Variants in GRM7 observed in about 807,000 individuals in gnomAD.
The protein encoded by GRM7 is metabotropic glutamate receptor 7.
A neutral mutation model predicts 84.5 loss-of-function variants in GRM7; 35 were observed. The observed-to-expected ratio is 0.41, with a 90% CI of 0.32 to 0.55. The LOEUF is 0.55. Ranked by LOEUF, GRM7 falls within the 20% of genes least tolerant of loss-of-function variation. The pLI, the probability that GRM7 is intolerant of heterozygous loss-of-function variation, is 0.19. For missense variants in GRM7, 1,003 were observed against 1,194.6 expected, an observed-to-expected ratio of 0.84 and a Z score of 2.36; for synonymous variants, 487 against 455.1, an observed-to-expected ratio of 1.07 and a Z score of -0.89.
intron 2 of GRM7, among the ~76,000 whole-genome samples, chr3:7,201,038 C>T (rs965418546): frequency 7.0e-5 from 10 of 141,974 alleles, no homozygotes; most frequent in African/African-American, 2.4e-4. Context: ...GGCACGATCT[C>T]GGCTCACTGC....
At chr3:7,649,591 G>A (rs114510735) in intron 8 of GRM7, among the ~76,000 whole-genome samples, 1,759 of 152,240 alleles carry the variant, frequency 0.012, 32 homozygotes, top group East Asian at 0.035. Context: ...ATATATGACA[G>A]TGTCACACAT....
At chr3:6,994,694 A>G (rs535927486) in intron 1 of GRM7, among the ~76,000 whole-genome samples, 1 of 152,078 alleles carries the variant, frequency 6.6e-6, no homozygotes. Context: ...AACAGGTTTT[A>G]TTTTTCCTTT....
chr3:7,111,750 T>A (rs1381265233), intron 1 of GRM7, among the ~76,000 whole-genome samples: 3 of 152,198 alleles, frequency 2.0e-5, no homozygotes, highest in Non-Finnish European at 4.4e-5. Context: ...AGTACATGTA[T>A]CACAGCTTAG....
intron 8 of GRM7, among the ~76,000 whole-genome samples, chr3:7,635,841 C>T (rs1000004219): frequency 4.0e-5 from 6 of 151,816 alleles, no homozygotes; most frequent in Non-Finnish European, 5.9e-5. Context: ...AAACAGCTAA[C>T]TTTTTAGAAT....
intron 1 of GRM7, among the ~76,000 whole-genome samples, chr3:7,109,086 G>C (rs1009821363): frequency 6.6e-6 from 1 of 152,032 alleles, no homozygotes; most frequent in African/African-American, 2.4e-5. Context: ...GCCGAGTGCT[G>C]AGCATAAAAG....
intron 8 of GRM7, among the ~76,000 whole-genome samples, chr3:7,589,828 T>C (rs1479075125): frequency 6.6e-6 from 1 of 152,196 alleles, no homozygotes; most frequent in Non-Finnish European, 1.5e-5. Flanking sequence ...TAACAGGTCC[T>C]CTGATGCCTG....
intron 1 of GRM7, among the ~76,000 whole-genome samples, chr3:6,995,043 T>A (rs182598881): frequency 6.6e-6 from 1 of 152,188 alleles, no homozygotes; most frequent in Admixed American, 6.5e-5. Context: ...TCAGAGTTGG[T>A]ACACCACTTT....
intron 7 of GRM7, among the ~76,000 whole-genome samples, chr3:7,547,053 C>A (rs1693187062): frequency 6.6e-6 from 1 of 151,958 alleles, no homozygotes; most frequent in African/African-American, 2.4e-5. Context: ...CTACAGAACC[C>A]CCAAGGCCTA....
chr3:7,220,253 C>A (rs1696755909), intron 2 of GRM7, among the ~76,000 whole-genome samples: 1 of 152,174 alleles, frequency 6.6e-6, no homozygotes, highest in African/African-American at 2.4e-5. Flanking sequence ...AGTAACTTTA[C>A]AGTGGAGAAA....
chr3:6,864,824 G>T (rs1349107287), intron 1 of GRM7, among the ~76,000 whole-genome samples: 1 of 152,224 alleles, frequency 6.6e-6, no homozygotes, highest in Non-Finnish European at 1.5e-5. Flanking sequence ...GCAAAGTCAG[G>T]AATGAAATTC....
intron 3 of GRM7, among the ~76,000 whole-genome samples, chr3:7,300,176 T>A (rs1201573543): frequency 1.3e-5 from 2 of 152,186 alleles, no homozygotes; most frequent in African/African-American, 4.8e-5. Flanking sequence ...TTCAAAATAA[T>A]ATATCATTGA....
intron 8 of GRM7, among the ~76,000 whole-genome samples, chr3:7,619,801 G>C (rs1026286994): frequency 6.6e-6 from 1 of 152,114 alleles, no homozygotes; most frequent in Non-Finnish European, 1.5e-5. Flanking sequence ...TTTGTGTTTT[G>C]TCAACAGTCC....
chr3:7,100,981 AT>A (rs56351425), intron 1 of GRM7, among the ~76,000 whole-genome samples: 68,580 of 151,246 alleles, frequency 0.45, 16,269 homozygotes, highest in African/African-American at 0.61. Flanking sequence ...TATACTAAAG[AT>A]TTTTTATCCA....
chr3:7,636,002 C>T, intron 8 of GRM7, among the ~76,000 whole-genome samples: 1 of 152,158 alleles, frequency 6.6e-6, no homozygotes, highest in East Asian at 1.9e-4. Context: ...AGCTAATTTA[C>T]TTTGCTTCAA....
At chr3:7,210,176 G>C (rs1165060996) in intron 2 of GRM7, among the ~76,000 whole-genome samples, 1 of 152,150 alleles carries the variant, frequency 6.6e-6, no homozygotes, top group Non-Finnish European at 1.5e-5. Context: ...CTTGGATGCT[G>C]AGTTAAGAAA....
intron 2 of GRM7, among the ~76,000 whole-genome samples, chr3:7,244,782 A>G (rs1427690470): frequency 6.6e-6 from 1 of 152,074 alleles, no homozygotes; most frequent in Non-Finnish European, 1.5e-5. Context: ...AAAAATATCC[A>G]TCATAAGAAG....
At chr3:7,674,420 G>C (rs899397592) in intron 8 of GRM7, among the ~76,000 whole-genome samples, 1 of 152,138 alleles carries the variant, frequency 6.6e-6, no homozygotes, top group African/African-American at 2.4e-5. Context: ...TTGAACTCCT[G>C]ACCTCAGGTG....
At chr3:7,652,891 G>A (rs1457627678) in intron 8 of GRM7, among the ~76,000 whole-genome samples, 1 of 152,084 alleles carries the variant, frequency 6.6e-6, no homozygotes, top group East Asian at 1.9e-4. Context: ...TAGCATTTAT[G>A]ATCCCATTTC....
intron 2 of GRM7, among the ~76,000 whole-genome samples, chr3:7,256,394 AGTTT>A (rs1034483733): frequency 1.2e-4 from 19 of 152,314 alleles, no homozygotes; most frequent in African/African-American, 4.3e-4. Flanking sequence ...TTTGGTTTGT[AGTTT>A]GTTTGAAGGA....
Sources: gnomAD v4.1 joint callset for allele counts (sites outside exome capture counted in the v4.1 genomes callset) on GRCh38, gnomAD v4.1.1 for gene constraint, MANE v1.5 for transcripts, NCBI Gene and HGNC (gene_info 2026-07-23, HGNC 2026-07-21) for gene names.